The following FAM169A variants were observed in gnomAD, a reference collection of about 807,000 sequenced individuals.
FAM169A encodes the protein soluble lamin-associated protein of 75 kDa.
A neutral mutation model predicts 75.7 loss-of-function variants in FAM169A; 24 were observed. The observed-to-expected ratio is 0.32, with a 90% CI of 0.23 to 0.45. The LOEUF (loss-of-function observed/expected upper bound fraction) is 0.45, where lower values mean the gene tolerates loss of function less well. Among genes scored for constraint, FAM169A ranks in the 20% least tolerant of loss-of-function variants. FAM169A has a pLI of 1.00. For synonymous variants in FAM169A, 271 were observed against 271.0 expected (o/e 1.00, Z 0.00); for missense variants, 673 against 784.0 (o/e 0.86, Z 1.69).
chr5:74,783,068 CTGTTA>C lies in FAM169A; in HGVS notation c.1322_1326del (p.Ile441ArgfsTer7). 6.2e-7 allele frequency: 1 copy of C among 1,613,504 alleles called. No homozygotes were observed. Among genetic ancestry groups the C allele is most frequent in the Non-Finnish European group, 8.5e-7 (1 of 1,179,450 alleles). On this transcript the variant is annotated frameshift_variant, in exon 12 of 13. Coordinates refer to ENST00000687041, the MANE Select transcript of FAM169A (RefSeq NM_001376049.1). LOFTEE classifies it high-confidence loss of function. ...ACTTCACTAGTGGAGTCTTCCTCTT[CTGTTA>C]TAAGTGAGGTCTTAAGAGAATCGTC... is the stretch of plus-strand genomic sequence containing the variant.
intron 5 of FAM169A, among the ~76,000 whole-genome samples, chr5:74,825,017 C>T (rs1368233356): frequency 6.6e-6 from 1 of 152,008 alleles, no homozygotes; most frequent in Non-Finnish European, 1.5e-5. Flanking sequence ...GATCAATTTT[C>T]AGTATTTACA....
chr5:74,832,670 T>C (rs1166697210), intron 5 of FAM169A, among the ~76,000 whole-genome samples: 1 of 149,998 alleles, frequency 6.7e-6, no homozygotes, highest in Non-Finnish European at 1.5e-5. Context: ...TTTATATATA[T>C]ATACACACAC....
chr5:74,861,980 T>G (rs952812972), intron 1 of FAM169A, among the ~76,000 whole-genome samples: 2 of 152,180 alleles, frequency 1.3e-5, no homozygotes, highest in Admixed American at 6.5e-5. Context: ...AACAGAGCCC[T>G]GGTGCCCTGA....
At chr5:74,862,237 T>G (rs1436761176) in intron 1 of FAM169A, among the ~76,000 whole-genome samples, 1 of 152,202 alleles carries the variant, frequency 6.6e-6, no homozygotes, top group Non-Finnish European at 1.5e-5. Context: ...GTTCATTCCT[T>G]CCTTTGAAAA....
intron 5 of FAM169A, among the ~76,000 whole-genome samples, chr5:74,828,121 C>T (rs1285290629): frequency 1.3e-5 from 2 of 152,170 alleles, no homozygotes; most frequent in Non-Finnish European, 2.9e-5. Flanking sequence ...GAAAACCCTT[C>T]GTTATAGCAA....
chr5:74,832,371 CATTGTACTGTAAGAGA>C (rs1201123915), intron 5 of FAM169A, among the ~76,000 whole-genome samples: 1 of 151,834 alleles, frequency 6.6e-6, no homozygotes, highest in African/African-American at 2.4e-5. Context: ...TCTTGAATTT[CATTGTACTGTAAGAGA>C]ATTTGACCTC....
intron 6 of FAM169A, among the ~76,000 whole-genome samples, chr5:74,809,412 G>C (rs1464039846): frequency 2.0e-5 from 3 of 151,810 alleles, no homozygotes; most frequent in African/African-American, 7.3e-5. Flanking sequence ...GGCTAACACA[G>C]TGAAACCCCA....
intron 5 of FAM169A, among the ~76,000 whole-genome samples, 171 bp from the exon 6 acceptor site, chr5:74,814,190 A>G (rs1580117134): frequency 6.6e-6 from 1 of 152,202 alleles, no homozygotes; most frequent in African/African-American, 2.4e-5. Context: ...AGACATTATA[A>G]TGTATAATGT....
At chr5:74,803,119 T>C (rs1443205584) in intron 8 of FAM169A, among the ~76,000 whole-genome samples, 1 of 152,184 alleles carries the variant, frequency 6.6e-6, no homozygotes, top group Non-Finnish European at 1.5e-5. Flanking sequence ...TTCTAAAATC[T>C]AATTTATGCT....
chr5:74,800,069 G>A (rs1364233920), intron 10 of FAM169A: 2 of 703,420 alleles, frequency 2.8e-6, no homozygotes, highest in Non-Finnish European at 2.6e-6. Context: ...GGATTTCAAG[G>A]ATAATTTGAA....
intron 1 of FAM169A, among the ~76,000 whole-genome samples, chr5:74,842,473 T>C (rs1228558972): frequency 1.1e-4 from 16 of 145,202 alleles, no homozygotes; most frequent in African/African-American, 3.0e-4. Flanking sequence ...AATTGTACGG[T>C]TTGCAATAGA....
Position 74,781,205 on chromosome 5 carries a change from T to C in FAM169A, c.*255A>G. 2 of 424,136 alleles carry C rather than the reference T, an allele frequency of 4.7e-6. No homozygotes were observed. Among genetic ancestry groups the C allele is most frequent in the Non-Finnish European group, 4.2e-6 (1 of 239,024 alleles). The allele number at this position is 424,136 out of a possible 1,614,324, so 26.3% of individuals were successfully genotyped here. ...GTACCACCTGATAAAGAAAATATAATATGATCTGGTTTCCCAAAATTGAAA... is the reference window on the plus strand; with the variant it reads ...GTACCACCTGATAAAGAAAATATAACATGATCTGGTTTCCCAAAATTGAAA... On this transcript the variant is annotated 3_prime_UTR_variant, in exon 13 of 13. Coordinates refer to ENST00000687041, the MANE Select transcript of FAM169A (RefSeq NM_001376049.1).
rs144795758 is a variant in FAM169A at position 74,790,997 on chromosome 5, G to A, written c.1260+5033C>T. Reference sequence around the variant, plus strand: ...CCAAGACTACCACCCGTGGACTCGCGGAAGGCCTTATCCATCATCATGCTA... The same window carrying A: ...CCAAGACTACCACCCGTGGACTCGCAGAAGGCCTTATCCATCATCATGCTA... On this transcript the variant is annotated intron_variant, in intron 11 of 12. Transcript: ENST00000687041. 4.4e-3 allele frequency among the ~76,000 whole-genome samples: 663 copies of A among 152,222 alleles called. 10 individuals are homozygous for A. The highest frequency in any genetic ancestry group is 0.015 in the African/African-American group (623 of 41,518).
intron 1 of FAM169A, among the ~76,000 whole-genome samples, chr5:74,863,551 T>A (rs1292156599): frequency 6.6e-6 from 1 of 152,220 alleles, no homozygotes; most frequent in Non-Finnish European, 1.5e-5. Context: ...AATACTCAAC[T>A]CTCTTATGTT....
At chr5:74,847,341 G>T (rs964916187) in intron 1 of FAM169A, among the ~76,000 whole-genome samples, 4 of 142,574 alleles carry the variant, frequency 2.8e-5, no homozygotes, top group African/African-American at 8.0e-5. Flanking sequence ...TCCTGTCTAC[G>T]AATTGGACTA....
intron 6 of FAM169A, among the ~76,000 whole-genome samples, chr5:74,807,639 A>C (rs1746959056): frequency 6.6e-6 from 1 of 152,230 alleles, no homozygotes; most frequent in Non-Finnish European, 1.5e-5. Flanking sequence ...GACACAACCT[A>C]AGTGCCCAAC....
Position 74,783,114 on chromosome 5 carries a change from C to A in FAM169A, c.1281G>T (p.Met427Ile). ...DGEKESELEP[M>I]NGEIMDDSLK... ...GAGAATCGTCCATTATCTCACCATT[C>A]ATAGGCTCTAATTCAGATTCCTACA... Residue 427 changes from methionine (M) to isoleucine (I), a missense_variant, in exon 12 of 13, where the codon ATG becomes ATT. Around this residue, in one of 3 missense-constraint regions of FAM169A, gnomAD observed 510 missense variants for 550.9 expected, o/e 0.93. Coordinates refer to ENST00000687041, the MANE Select transcript of FAM169A (RefSeq NM_001376049.1). The A allele has an allele frequency of 6.2e-7, 1 of 1,612,896 alleles. No homozygotes were observed. The highest frequency in any genetic ancestry group is 2.2e-5 in the East Asian group (1 of 44,864).
chr5:74,824,331 T>C (rs1171360318), intron 5 of FAM169A, among the ~76,000 whole-genome samples: 1 of 152,194 alleles, frequency 6.6e-6, no homozygotes, highest in African/African-American at 2.4e-5. Context: ...TACACTAAAA[T>C]ACGGTATGCT....
chr5:74,856,276 G>A (rs1749700421), intron 1 of FAM169A, among the ~76,000 whole-genome samples: 1 of 151,906 alleles, frequency 6.6e-6, no homozygotes, highest in Non-Finnish European at 1.5e-5. Context: ...GGTCTTTTGT[G>A]GTTCCATATA....
Sources: gnomAD v4.1 joint callset for allele counts (sites outside exome capture counted in the v4.1 genomes callset) on GRCh38, gnomAD v4.1.1 for gene constraint, gnomAD v4.1.1 regional missense constraint, MANE v1.5 for transcripts, NCBI Gene and HGNC (gene_info 2026-07-23, HGNC 2026-07-21) for gene names.